The following HIPK2 variants were observed in gnomAD, a reference collection of about 807,000 sequenced individuals.
HIPK2 encodes the protein homeodomain-interacting protein kinase 2.
In HIPK2, 27 loss-of-function variants were observed where a neutral mutation model predicts 113.7. The ratio of observed to expected loss-of-function variants is 0.24; its 90% CI spans 0.17 to 0.33. HIPK2 has a LOEUF of 0.33. HIPK2 is among the 10% of genes least tolerant of loss of function. HIPK2 has a pLI of 1.00. For missense variants in HIPK2, 1,257 were observed against 1,588.0 expected (o/e 0.79, Z 3.54); for synonymous variants, 631 against 642.2 (o/e 0.98, Z 0.26).
intron 1 of HIPK2, chr7:139,777,271 C>T (rs373534617): frequency 6.5e-6 from 1 of 153,276 alleles, no homozygotes; most frequent in African/African-American, 2.4e-5. Flanking sequence ...GAAGCTAAGC[C>T]GCATCACCTT....
intron 1 of HIPK2, among the ~76,000 whole-genome samples, chr7:139,726,552 GT>G (rs1795581504): frequency 6.6e-6 from 1 of 152,206 alleles, no homozygotes; most frequent in African/African-American, 2.4e-5. Context: ...GGATATCTAC[GT>G]TGAAATGTCC....
At chr7:139,689,974 A>G (rs368501559) in intron 2 of HIPK2, among the ~76,000 whole-genome samples, 2 of 139,918 alleles carry the variant, frequency 1.4e-5, no homozygotes, top group African/African-American at 5.3e-5. Flanking sequence ...GAGCTCACGC[A>G]GGGTGCCGGG....
chr7:139,696,489 AG>A (rs1424079099), intron 2 of HIPK2, among the ~76,000 whole-genome samples: 11 of 151,484 alleles, frequency 7.3e-5, no homozygotes, highest in Non-Finnish European at 1.5e-4. Flanking sequence ...AGGCTGAGGG[AG>A]GGGGATGGCT....
intron 2 of HIPK2, among the ~76,000 whole-genome samples, chr7:139,710,144 T>C (rs994717091): frequency 6.6e-6 from 1 of 152,210 alleles, no homozygotes; most frequent in Admixed American, 6.5e-5. Context: ...GTTCCAGAAT[T>C]TACAATGGCT....
chr7:139,752,225 G>A (rs566369845), intron 1 of HIPK2, among the ~76,000 whole-genome samples: 120 of 152,190 alleles, frequency 7.9e-4, no homozygotes, highest in African/African-American at 2.7e-3. Flanking sequence ...CACCCCACAG[G>A]GGCAGCTCCT....
At chr7:139,644,975 C>T (rs1368707150) in intron 2 of HIPK2, among the ~76,000 whole-genome samples, 1 of 152,248 alleles carries the variant, frequency 6.6e-6, no homozygotes, top group Non-Finnish European at 1.5e-5. Flanking sequence ...TTATGTGCAA[C>T]TTTACTGATT....
chr7:139,725,669 A>G (rs1437588149), intron 1 of HIPK2, among the ~76,000 whole-genome samples: 1 of 152,196 alleles, frequency 6.6e-6, no homozygotes, highest in East Asian at 1.9e-4. Flanking sequence ...CTTCTCTCTC[A>G]CTGGCTGCCA....
At chr7:139,662,203 A>G (rs1028163803) in intron 2 of HIPK2, among the ~76,000 whole-genome samples, 1 of 152,192 alleles carries the variant, frequency 6.6e-6, no homozygotes, top group Non-Finnish European at 1.5e-5. Context: ...CTTAGCTAAC[A>G]TCCAGCCAGC....
intron 1 of HIPK2, among the ~76,000 whole-genome samples, chr7:139,741,591 C>G (rs938096562): frequency 2.6e-5 from 4 of 152,312 alleles, no homozygotes; most frequent in African/African-American, 9.6e-5. Context: ...ATATGTCCTA[C>G]CAGTGCACAG....
intron 13 of HIPK2, among the ~76,000 whole-genome samples, chr7:139,576,415 T>A (rs909976914): frequency 1.1e-4 from 16 of 152,168 alleles, no homozygotes; most frequent in Admixed American, 4.6e-4. Context: ...TCTGACAAGC[T>A]CCCAGGGGGT....
chr7:139,614,040 ACACAGTC>A (rs1317862512), intron 8 of HIPK2, among the ~76,000 whole-genome samples: 1 of 152,206 alleles, frequency 6.6e-6, no homozygotes, highest in East Asian at 1.9e-4. Context: ...CTGGCCAGGG[ACACAGTC>A]CCTGGCAGGT....
At chr7:139,612,605 C>T (rs541711673) in intron 9 of HIPK2, among the ~76,000 whole-genome samples, 11 of 152,136 alleles carry the variant, frequency 7.2e-5, no homozygotes, top group Non-Finnish European at 1.0e-4. Flanking sequence ...TATCAGGGTT[C>T]GAGTGTCATT....
intron 2 of HIPK2, among the ~76,000 whole-genome samples, chr7:139,706,031 G>A (rs1794888122): frequency 6.6e-6 from 1 of 152,168 alleles, no homozygotes; most frequent in Non-Finnish European, 1.5e-5. Flanking sequence ...AGGTTACGAG[G>A]CCCCGGGGAT....
At chr7:139,695,979 A>C (rs1202940130) in intron 2 of HIPK2, among the ~76,000 whole-genome samples, 2 of 152,230 alleles carry the variant, frequency 1.3e-5, no homozygotes, top group Non-Finnish European at 2.9e-5. Context: ...GAAAAGTATT[A>C]ACAAATCAGG....
intron 2 of HIPK2, among the ~76,000 whole-genome samples, chr7:139,661,612 C>T (rs1585344407): frequency 6.6e-6 from 1 of 152,126 alleles, no homozygotes; most frequent in East Asian, 1.9e-4. Context: ...CACAATGGGG[C>T]CATTATCTCC....
At chr7:139,748,918 A>T (rs1362326621) in intron 1 of HIPK2, among the ~76,000 whole-genome samples, 1 of 152,180 alleles carries the variant, frequency 6.6e-6, no homozygotes, top group Non-Finnish European at 1.5e-5. Flanking sequence ...GCTTTGTGGG[A>T]GCAGCTGGTG....
At chr7:139,758,484 C>T (rs1331383950) in intron 1 of HIPK2, among the ~76,000 whole-genome samples, 1 of 152,172 alleles carries the variant, frequency 6.6e-6, no homozygotes. Flanking sequence ...CACTCCCCAC[C>T]CCGCCCTGGC....
intron 1 of HIPK2, among the ~76,000 whole-genome samples, chr7:139,750,198 A>G (rs986217446): frequency 1.3e-5 from 2 of 152,242 alleles, no homozygotes; most frequent in African/African-American, 4.8e-5. Flanking sequence ...TTTAGCAGTT[A>G]GGCTTTGTCC....
At chr7:139,767,299 C>T (rs1006284542) in intron 1 of HIPK2, among the ~76,000 whole-genome samples, 7 of 152,172 alleles carry the variant, frequency 4.6e-5, no homozygotes, top group Non-Finnish European at 1.0e-4. Context: ...GTTGAAGAAC[C>T]ACTTCTTCCA....
Sources: gnomAD v4.1 joint callset for allele counts (sites outside exome capture counted in the v4.1 genomes callset) on GRCh38, gnomAD v4.1.1 for gene constraint, MANE v1.5 for transcripts, NCBI Gene and HGNC (gene_info 2026-07-23, HGNC 2026-07-21) for gene names.